Variants in DAB1 observed in about 807,000 individuals in gnomAD.
The protein encoded by DAB1 is disabled homolog 1.
A neutral mutation model predicts 64.6 loss-of-function variants in DAB1; 15 were observed. That is an observed-to-expected ratio of 0.23 (90% CI 0.16 to 0.36). DAB1 has a LOEUF of 0.36. DAB1 is among the 10% of genes least tolerant of loss of function. The probability of loss-of-function intolerance (pLI) is 1.00; values close to 1 mark genes in which losing one functional copy is unlikely to be tolerated. For synonymous variants in DAB1, 235 were observed against 251.9 expected, an observed-to-expected ratio of 0.93 and a Z score of 0.64; for missense variants, 596 against 706.7, an observed-to-expected ratio of 0.84 and a Z score of 1.78.
intron 4 of DAB1, among the ~76,000 whole-genome samples, chr1:58,190,923 T>C (rs529202377): frequency 1.3e-5 from 2 of 152,214 alleles, no homozygotes; most frequent in Admixed American, 6.5e-5. Flanking sequence ...ACTTCCCGCA[T>C]GGGTGGAGGA....
At chr1:57,604,844 C>T (rs537797094) in intron 7 of DAB1, among the ~76,000 whole-genome samples, 1 of 152,120 alleles carries the variant, frequency 6.6e-6, no homozygotes, top group Non-Finnish European at 1.5e-5. Flanking sequence ...TGGTGAGACC[C>T]ATAGGAGTTG....
intron 3 of DAB1, among the ~76,000 whole-genome samples, chr1:58,429,383 T>G (rs1451794295): frequency 1.3e-5 from 2 of 152,132 alleles, no homozygotes; most frequent in African/African-American, 4.8e-5. Context: ...TCGAGAGCAC[T>G]TCAACCTGCA....
intron 14 of DAB1, among the ~76,000 whole-genome samples, chr1:57,007,231 C>A (rs1646105371): frequency 6.6e-6 from 1 of 152,168 alleles, no homozygotes; most frequent in South Asian, 2.1e-4. Flanking sequence ...GGAGGCAGAC[C>A]AAACAATTCC....
chr1:57,778,234 A>T (rs895468473), intron 6 of DAB1, among the ~76,000 whole-genome samples: 1 of 151,956 alleles, frequency 6.6e-6, no homozygotes. Flanking sequence ...TCTTAAGGGT[A>T]ATCATATGCA....
chr1:57,634,276 T>C (rs1014558594), intron 7 of DAB1, among the ~76,000 whole-genome samples: 43 of 152,238 alleles, frequency 2.8e-4, no homozygotes, highest in Non-Finnish European at 6.2e-4. Context: ...GAACGTGAGC[T>C]ATAATAGCAG....
chr1:57,810,349 T>C (rs1028171064), intron 6 of DAB1, among the ~76,000 whole-genome samples: 2 of 152,142 alleles, frequency 1.3e-5, no homozygotes, highest in African/African-American at 2.4e-5. Context: ...AGGAAGACTT[T>C]TCTATAGAGG....
intron 4 of DAB1, among the ~76,000 whole-genome samples, chr1:58,311,861 T>TTTTTTTTTTTTTTTTTTTTTTTTTTTGAG (rs1662439010): frequency 6.6e-6 from 1 of 152,154 alleles, no homozygotes; most frequent in African/African-American, 2.4e-5. Flanking sequence ...TTATATCTTT[T>TTTTTTTTTTTTTTTTTTTTTTTTTTTGAG]AATCTTCACA....
rs1338286274 is a variant in DAB1, at chr1:58,082,745, T to C, written n.387+67766A>G. Among the ~76,000 whole-genome samples, 3 of 151,648 alleles carry C rather than the reference T, an allele frequency of 2.0e-5. No individual in the cohort carries two copies. In the East Asian group the frequency reaches 5.9e-4, roughly 30 times the overall value. ...ATGACTGGAGACAGAAAACAGCGCA[T>C]CTCATGCAGAGGGTTGCTGTAGCCG... On this transcript the variant is annotated intron_variant and non_coding_transcript_variant, in intron 5 of 20. Coordinates refer to the DAB1 transcript ENST00000485760.
At chr1:58,218,625 A>T (rs766768090) in intron 4 of DAB1, among the ~76,000 whole-genome samples, 3 of 152,010 alleles carry the variant, frequency 2.0e-5, no homozygotes, top group Non-Finnish European at 4.4e-5. Flanking sequence ...CTTGAATCTG[A>T]GATTGAAACC....
chr1:58,063,366 A>G (rs1648629839), intron 5 of DAB1, among the ~76,000 whole-genome samples: 1 of 152,288 alleles, frequency 6.6e-6, no homozygotes, highest in South Asian at 2.1e-4. Flanking sequence ...GGAAAAAATC[A>G]GAGGAAATGT....
chr1:57,175,500 T>C (rs1452419220), intron 2 of DAB1, among the ~76,000 whole-genome samples: 1 of 152,152 alleles, frequency 6.6e-6, no homozygotes, highest in Non-Finnish European at 1.5e-5. Context: ...AATTTATTCA[T>C]GAGTTTTCTA....
intron 4 of DAB1, among the ~76,000 whole-genome samples, chr1:58,151,661 G>A (rs1654945614): frequency 1.3e-5 from 2 of 152,156 alleles, no homozygotes; most frequent in South Asian, 4.1e-4. Flanking sequence ...CTGCCTTACA[G>A]GCTCATTCAT....
intron 6 of DAB1, among the ~76,000 whole-genome samples, chr1:57,697,908 G>C (rs1476838417): frequency 6.6e-6 from 1 of 152,142 alleles, no homozygotes; most frequent in Admixed American, 6.6e-5. Context: ...TGGATTCAAA[G>C]CTGGTAGATT....
intron 6 of DAB1, among the ~76,000 whole-genome samples, chr1:57,743,952 T>A (rs936164649): frequency 6.6e-6 from 1 of 152,242 alleles, no homozygotes; most frequent in Non-Finnish European, 1.5e-5. Context: ...AAGACACAGA[T>A]CCCTCATGCA....
intron 7 of DAB1, among the ~76,000 whole-genome samples, chr1:57,441,949 A>G (rs1685976413): frequency 6.6e-6 from 1 of 152,164 alleles, no homozygotes; most frequent in South Asian, 2.1e-4. Context: ...AGCATCTGTT[A>G]TTGTTGCACT....
At chr1:58,194,190 G>A (rs1345194274) in intron 4 of DAB1, among the ~76,000 whole-genome samples, 1 of 152,202 alleles carries the variant, frequency 6.6e-6, no homozygotes, top group Non-Finnish European at 1.5e-5. Flanking sequence ...GTTAAGGGAA[G>A]TGCATATACC....
At chr1:57,420,945 G>A (rs935304060) in intron 1 of DAB1, among the ~76,000 whole-genome samples, 8 of 152,144 alleles carry the variant, frequency 5.3e-5, no homozygotes, top group African/African-American at 1.9e-4. Context: ...TGCTTTGTTT[G>A]CTTTATTAGT....
intron 6 of DAB1, among the ~76,000 whole-genome samples, chr1:57,775,550 T>C (rs1649756310): frequency 6.6e-6 from 1 of 150,690 alleles, no homozygotes. Flanking sequence ...TTCTAGATAT[T>C]GAAAAAAAAA....
At chr1:57,448,551 T>A (rs952500639) in intron 7 of DAB1, among the ~76,000 whole-genome samples, 2 of 152,232 alleles carry the variant, frequency 1.3e-5, no homozygotes, top group African/African-American at 4.8e-5. Flanking sequence ...ATCACAAGAT[T>A]TGTCACCTTT....
Sources: allele counts gnomAD v4.1 joint callset (sites outside exome capture counted in the v4.1 genomes callset), GRCh38; gene constraint gnomAD v4.1.1; transcripts MANE v1.5; gene names NCBI Gene and HGNC (gene_info 2026-07-23, HGNC 2026-07-21).